Variants in PPP1R9A observed in about 807,000 individuals in gnomAD.
PPP1R9A encodes the protein protein phosphatase 1 regulatory subunit 9A.
PPP1R9A carries 59 observed loss-of-function variants against 141.9 expected under a neutral mutation model. That is an observed-to-expected ratio of 0.42 (90% confidence interval 0.34 to 0.52). The LOEUF (loss-of-function observed/expected upper bound fraction) is 0.52. Ranked by LOEUF, PPP1R9A falls within the 20% of genes least tolerant of loss-of-function variation. The pLI is 0.10. For synonymous variants in PPP1R9A, 500 were observed against 569.7 expected (o/e 0.88, Z 1.74); for missense variants, 1,444 against 1,611.9 (o/e 0.90, Z 1.78).
At position 94,948,136 on chromosome 7, in the gene PPP1R9A, A is replaced by G. The variant is rs571290518; in HGVS notation, c.1395+36628A>G. On this transcript the variant is annotated intron_variant, in intron 2 of 19. Coordinates refer to ENST00000433360, the MANE Select transcript of PPP1R9A (RefSeq NM_001166160.2). ...TCCCAAGAGCAGGTCTTTCATATTC[A>G]GTATGGGTCCGTAGGAATATATTGG... Among the ~76,000 whole-genome samples the G allele has an allele frequency of 2.0e-5, 3 of 152,172 alleles. No homozygotes were observed. The East Asian group carries it at 5.8e-4, about 29-fold the overall frequency.
At position 94,948,602 on chromosome 7, in the gene PPP1R9A, AC is replaced by A. The variant is rs1584346897; in HGVS notation, c.1395+37095del. On this transcript the variant is annotated intron_variant, in intron 2 of 19. Transcript: ENST00000433360. ...TTAACTTATTATGTCTCTGAGATAT[AC>A]TAAGGGGTAGAAAGGAAGTATAGCT... 3.9e-5 allele frequency among the ~76,000 whole-genome samples: 6 copies of A among 152,250 alleles called. No homozygotes were observed. In the South Asian group the frequency reaches 1.2e-3, roughly 32 times the overall value.
rs924472033 is a variant in PPP1R9A at position 94,911,168 on chromosome 7, T to C, written c.1055T>C (p.Val352Ala). 10 of 1,613,922 alleles carry C rather than the reference T, an allele frequency of 6.2e-6. No homozygotes were observed. The highest frequency in any genetic ancestry group is 3.3e-5 in the Admixed American group (2 of 59,988). The change falls in exon 2 of 20, where the codon GTT (valine) becomes GCT (alanine). Residue 352 changes from valine (V) to alanine (A), a missense_variant. Transcript: ENST00000433360. ...QLLEDAEANL[V>A]GREAAKQQRK... ...TTAGAAGATGCTGAAGCTAATTTGG[T>C]TGGAAGGGAGGCAGCAAAGCAACAG...
intron 4 of PPP1R9A, among the ~76,000 whole-genome samples, chr7:95,121,149 A>G (rs1822492973): frequency 6.6e-6 from 1 of 152,236 alleles, no homozygotes. Context: ...AGGTCAGCAC[A>G]TAGTTTCACT....
At chr7:95,057,536 C>T (rs1811664642) in intron 2 of PPP1R9A, among the ~76,000 whole-genome samples, 1 of 151,990 alleles carries the variant, frequency 6.6e-6, no homozygotes, top group African/African-American at 2.4e-5. Context: ...GGGTCTACTC[C>T]ATGAACTTGA....
chr7:95,248,088 T>A (rs1277019904), intron 9 of PPP1R9A, among the ~76,000 whole-genome samples: 5 of 151,176 alleles, frequency 3.3e-5, no homozygotes, highest in Non-Finnish European at 5.9e-5. Flanking sequence ...GTATGTATTA[T>A]TAGTCTATAT....
chr7:94,918,133 C>G (rs1337384827), intron 2 of PPP1R9A, among the ~76,000 whole-genome samples: 1 of 152,114 alleles, frequency 6.6e-6, no homozygotes, highest in Admixed American at 6.6e-5. Context: ...TCATTATATT[C>G]TATAGCTATG....
chr7:95,168,286 T>C (rs536389844), intron 5 of PPP1R9A, among the ~76,000 whole-genome samples: 53 of 152,142 alleles, frequency 3.5e-4, no homozygotes, highest in African/African-American at 8.7e-4. Context: ...AGAACATACA[T>C]TGGGGAAAGG....
rs548573525 is a variant in PPP1R9A at position 95,094,685 on chromosome 7, G to A, written c.1396-16574G>A. On this transcript the variant is annotated intron_variant, in intron 2 of 19. Transcript: ENST00000433360. ...ATTTGAGGTCAGGAGTTTGAGACCA[G>A]CCTGGCTAACATGGTGAAATTCTGT... Among the ~76,000 whole-genome samples, 136 of 152,030 alleles carry A rather than the reference G, an allele frequency of 8.9e-4. 1 individual carries two copies. The highest frequency in any genetic ancestry group is 6.8e-3 in the Middle Eastern group (2 of 294).
chr7:95,284,046 A>G lies in PPP1R9A; in HGVS notation c.3325A>G (p.Thr1109Ala), dbSNP rs777691901. Residue 1109 changes from threonine to alanine, a missense_variant, in exon 17 of 20, where the codon ACA (threonine) becomes GCA (alanine). Physicochemically the swap from Thr to Ala is moderately conservative, Grantham distance 58. This residue lies in a region of PPP1R9A where 459 missense variants were observed against 513.8 expected (regional missense o/e 0.89). Transcript: ENST00000433360. ...CTTCAGAGGCAGACTGGAAAACTGG[A>G]CACCCAAGCCATGTTCAACAGCTCA... ...RIFRGRLENW[T>A]PKPCSTAQTS... 1 of 1,596,256 alleles carries G rather than the reference A, an allele frequency of 6.3e-7. No homozygotes were observed. Among genetic ancestry groups the G allele is most frequent in the Non-Finnish European group, 8.5e-7 (1 of 1,178,128 alleles).
intron 2 of PPP1R9A, among the ~76,000 whole-genome samples, chr7:95,080,012 C>G (rs1051275283): frequency 6.6e-6 from 1 of 152,154 alleles, no homozygotes; most frequent in Admixed American, 6.5e-5. Context: ...GAAGCATTTC[C>G]TTTGAAAACT....
chr7:94,966,548 C>T (rs144606949), intron 2 of PPP1R9A, among the ~76,000 whole-genome samples: 3,759 of 152,178 alleles, frequency 0.025, 174 homozygotes, highest in African/African-American at 0.086. Context: ...TTATTGAAGG[C>T]CTTTTCTGCA....
At chr7:94,978,827 C>CGCTCT (rs1344420860) in intron 2 of PPP1R9A, among the ~76,000 whole-genome samples, 1 of 152,112 alleles carries the variant, frequency 6.6e-6, no homozygotes, top group Admixed American at 6.6e-5. Flanking sequence ...GACACGGTCT[C>CGCTCT]GCTCTGTTGC....
At chr7:94,944,215 A>G (rs1584326762) in intron 2 of PPP1R9A, among the ~76,000 whole-genome samples, 2 of 152,188 alleles carry the variant, frequency 1.3e-5, no homozygotes, top group Admixed American at 6.6e-5. Flanking sequence ...ATTGTTTACT[A>G]TAGTTTTCCA....
At chr7:95,276,230 T>C (rs983821372) in intron 16 of PPP1R9A, among the ~76,000 whole-genome samples, 2 of 152,136 alleles carry the variant, frequency 1.3e-5, no homozygotes, top group African/African-American at 4.8e-5. Flanking sequence ...GAGAGGGATG[T>C]GAGCACCTGC....
At chr7:95,205,812 A>T (rs567936078) in intron 7 of PPP1R9A, among the ~76,000 whole-genome samples, 2 of 152,168 alleles carry the variant, frequency 1.3e-5, no homozygotes, top group African/African-American at 4.8e-5. Context: ...TTATTTATCC[A>T]TAAATTCCCC....
chr7:95,259,281 G>A (rs1374639328), intron 12 of PPP1R9A, among the ~76,000 whole-genome samples: 1 of 151,120 alleles, frequency 6.6e-6, no homozygotes, highest in Non-Finnish European at 1.5e-5. Flanking sequence ...GGAGGTACAT[G>A]GTTGTCTTTT....
At chr7:95,208,855 A>G (rs1791438320) in intron 7 of PPP1R9A, among the ~76,000 whole-genome samples, 1 of 151,634 alleles carries the variant, frequency 6.6e-6, no homozygotes, top group Admixed American at 6.6e-5. Context: ...CATACGCTGG[A>G]GTAAAATGTT....
At chr7:95,122,208 A>G (rs1319865090) in intron 4 of PPP1R9A, among the ~76,000 whole-genome samples, 1 of 147,386 alleles carries the variant, frequency 6.8e-6, no homozygotes, top group Admixed American at 6.9e-5. Flanking sequence ...GTACAGTGGC[A>G]TGATCTCTGC....
chr7:94,996,583 G>A (rs1406021929), intron 2 of PPP1R9A, among the ~76,000 whole-genome samples: 2 of 151,938 alleles, frequency 1.3e-5, no homozygotes, highest in Non-Finnish European at 2.9e-5. Flanking sequence ...TAAAAATTTG[G>A]GAAATTATTG....
Sources: allele counts gnomAD v4.1 joint callset (sites outside exome capture counted in the v4.1 genomes callset), GRCh38; gene constraint gnomAD v4.1.1; regional missense constraint gnomAD v4.1.1; transcripts MANE v1.5; gene names NCBI Gene and HGNC (gene_info 2026-07-23, HGNC 2026-07-21).